FHIT: variants seen among roughly 807,000 people sequenced by gnomAD.
The protein encoded by FHIT is bis(5'-adenosyl)-triphosphatase.
A neutral mutation model predicts 17.9 loss-of-function variants in FHIT; 19 were observed. The observed-to-expected ratio is 1.06, with a 90% CI of 0.74 to 1.56. The LOEUF (loss-of-function observed/expected upper bound fraction) is 1.56, where lower values mean the gene tolerates loss of function less well. Ranked by LOEUF, FHIT falls within the 40% of genes most tolerant of loss-of-function variation. The probability of loss-of-function intolerance (pLI) is 0.00; values close to 1 mark genes in which losing one functional copy is unlikely to be tolerated. For missense variants in FHIT, 248 were observed against 189.2 expected (o/e 1.31, Z -1.82); for synonymous variants, 81 against 69.7 (o/e 1.16, Z -0.81).
intron 7 of FHIT, among the ~76,000 whole-genome samples, chr3:59,996,790 C>A (rs944380643): frequency 2.0e-5 from 3 of 152,062 alleles, no homozygotes; most frequent in African/African-American, 7.2e-5. Context: ...TATTCCATTG[C>A]TAGCATTTGT....
At chr3:59,990,822 C>T (rs970630688) in intron 7 of FHIT, among the ~76,000 whole-genome samples, 12 of 152,018 alleles carry the variant, frequency 7.9e-5, no homozygotes, top group Non-Finnish European at 1.2e-4. Context: ...GGCAAGACTG[C>T]TCACTCATTA....
chr3:61,055,368 C>T (rs1158853167), intron 2 of FHIT, among the ~76,000 whole-genome samples: 1 of 152,028 alleles, frequency 6.6e-6, no homozygotes, highest in Non-Finnish European at 1.5e-5. Flanking sequence ...ATTAGGGTCT[C>T]GTCCATAATA....
At chr3:61,158,881 A>G (rs957365635) in intron 2 of FHIT, among the ~76,000 whole-genome samples, 1 of 152,224 alleles carries the variant, frequency 6.6e-6, no homozygotes, top group Non-Finnish European at 1.5e-5. Flanking sequence ...AAACTCTAGC[A>G]GTCCATTAGA....
intron 3 of FHIT, among the ~76,000 whole-genome samples, chr3:60,871,713 A>G (rs1553755089): frequency 6.6e-6 from 1 of 152,152 alleles, no homozygotes; most frequent in Non-Finnish European, 1.5e-5. Context: ...GGCTCAATGT[A>G]GCCTTGACCT....
chr3:60,439,288 T>C (rs953080918), intron 5 of FHIT, among the ~76,000 whole-genome samples: 1 of 152,154 alleles, frequency 6.6e-6, no homozygotes, highest in South Asian at 2.1e-4. Context: ...CACATTATAA[T>C]GTCCTAAAAA....
At position 59,919,799 on chromosome 3, in the gene FHIT, C is replaced by T. The variant is rs368532796; in HGVS notation, c.348+2547G>A. On this transcript the variant is annotated intron_variant, in intron 8 of 9. Coordinates refer to ENST00000492590, the MANE Select transcript of FHIT (RefSeq NM_002012.4). The stretch of plus-strand genomic sequence containing the variant: ...ATGCATAATCTAGAGCAAGTGCTCC[C>T]ATCAATATAAAGAATGCCATCCCTC... 3.9e-5 allele frequency among the ~76,000 whole-genome samples: 6 copies of T among 152,306 alleles called. No individual in the cohort carries two copies. The East Asian group carries it at 1.2e-3, about 29-fold the overall frequency.
chr3:60,626,089 T>G (rs1553680823), intron 4 of FHIT, among the ~76,000 whole-genome samples: 1 of 152,204 alleles, frequency 6.6e-6, no homozygotes, highest in Non-Finnish European at 1.5e-5. Context: ...GCCATTGATC[T>G]TTATTGTTAT....
At chr3:60,881,407 G>A (rs1704970107) in intron 3 of FHIT, among the ~76,000 whole-genome samples, 1 of 152,148 alleles carries the variant, frequency 6.6e-6, no homozygotes, top group Non-Finnish European at 1.5e-5. Flanking sequence ...GAAACATTGA[G>A]TTTATACTGC....
At chr3:60,745,210 A>T (rs1292078491) in intron 4 of FHIT, among the ~76,000 whole-genome samples, 2 of 152,254 alleles carry the variant, frequency 1.3e-5, no homozygotes, top group African/African-American at 4.8e-5. Context: ...TCTATTACAA[A>T]GAGTTCGTCT....
At chr3:60,872,937 C>A (rs1704473465) in intron 3 of FHIT, among the ~76,000 whole-genome samples, 1 of 152,054 alleles carries the variant, frequency 6.6e-6, no homozygotes, top group South Asian at 2.1e-4. Context: ...GTTCCCCGTT[C>A]AAAAAATAAA....
chr3:60,683,026 A>G (rs1226610206), intron 4 of FHIT, among the ~76,000 whole-genome samples: 2 of 152,208 alleles, frequency 1.3e-5, no homozygotes, highest in African/African-American at 4.8e-5. Flanking sequence ...GACAACTAGA[A>G]TCAGAAGTAA....
intron 5 of FHIT, among the ~76,000 whole-genome samples, chr3:60,148,076 G>T (rs530239443): frequency 9.9e-5 from 15 of 152,266 alleles, no homozygotes; most frequent in African/African-American, 2.9e-4. Context: ...TGCCTGGTAA[G>T]ACTAAGAGGA....
At chr3:60,630,934 TAAAAAAAA>T (rs1202134208) in intron 4 of FHIT, among the ~76,000 whole-genome samples, 1 of 93,392 alleles carries the variant, frequency 1.1e-5, no homozygotes, top group Admixed American at 1.2e-4. Context: ...CCCAGGTCAT[TAAAAAAAA>T]AAAAAAAAAA....
At chr3:60,733,132 A>G (rs2042066891) in intron 4 of FHIT, among the ~76,000 whole-genome samples, 1 of 152,212 alleles carries the variant, frequency 6.6e-6, no homozygotes, top group South Asian at 2.1e-4. Context: ...ATGATGCTAG[A>G]GAGCAATTAA....
chr3:60,962,857 C>G (rs1429319615), intron 3 of FHIT, among the ~76,000 whole-genome samples: 1 of 152,134 alleles, frequency 6.6e-6, no homozygotes, highest in South Asian at 2.1e-4. Context: ...ATTTTTGCAT[C>G]GATGTTCATC....
At chr3:61,073,375 G>A (rs955810047) in intron 2 of FHIT, among the ~76,000 whole-genome samples, 7 of 152,182 alleles carry the variant, frequency 4.6e-5, no homozygotes, top group Non-Finnish European at 7.4e-5. Flanking sequence ...TAAGAGTCAA[G>A]TGACTGGACA....
intron 3 of FHIT, among the ~76,000 whole-genome samples, chr3:60,912,513 A>T (rs1318435644): frequency 6.6e-6 from 1 of 152,222 alleles, no homozygotes. Context: ...TGGCATGAGG[A>T]TTATTTTGAG....
intron 5 of FHIT, among the ~76,000 whole-genome samples, chr3:60,198,177 A>G (rs1423479499): frequency 6.6e-6 from 1 of 152,146 alleles, no homozygotes; most frequent in African/African-American, 2.4e-5. Context: ...GAGACTCTCC[A>G]GGTCCAGTTC....
chr3:60,227,328 C>G (rs146604572), intron 5 of FHIT, among the ~76,000 whole-genome samples: 137 of 152,304 alleles, frequency 9.0e-4, no homozygotes, highest in African/African-American at 3.2e-3. Context: ...TACCTTAACT[C>G]TGTCTACAAG....
Sources: gnomAD v4.1 joint callset for allele counts (sites outside exome capture counted in the v4.1 genomes callset) on GRCh38, gnomAD v4.1.1 for gene constraint, MANE v1.5 for transcripts, NCBI Gene and HGNC (gene_info 2026-07-23, HGNC 2026-07-21) for gene names.